The following TCF12 variants were observed in gnomAD, a reference collection of about 807,000 sequenced individuals.
TCF12 encodes transcription factor 12.
A neutral mutation model predicts 86.0 loss-of-function variants in TCF12; 45 were observed. That is an observed-to-expected ratio of 0.52 (90% CI 0.41 to 0.67). The LOEUF is 0.67. Among genes scored for constraint, TCF12 ranks in the 30% least tolerant of loss-of-function variants. TCF12 has a pLI of 0.00. For missense variants in TCF12, 881 were observed against 859.9 expected (o/e 1.02, Z -0.31); for synonymous variants, 330 against 299.6 (o/e 1.10, Z -1.05).
chr15:57,125,856 T>A (rs532258644), intron 5 of TCF12, among the ~76,000 whole-genome samples: 1 of 152,374 alleles, frequency 6.6e-6, no homozygotes, highest in South Asian at 2.1e-4. Context: ...TGTAGAAAGA[T>A]ATTAAATCAA....
chr15:57,042,357 A>C (rs1402662688), intron 3 of TCF12, among the ~76,000 whole-genome samples: 1 of 152,186 alleles, frequency 6.6e-6, no homozygotes, highest in Non-Finnish European at 1.5e-5. Flanking sequence ...TGGAAATAAA[A>C]AGATAATGGC....
intron 5 of TCF12, among the ~76,000 whole-genome samples, chr15:57,159,295 C>G (rs1022864864): frequency 1.3e-5 from 2 of 152,194 alleles, no homozygotes; most frequent in Admixed American, 1.3e-4. Context: ...GGTCTTTGCT[C>G]TCATACTCTA....
chr15:57,113,195 A>G (rs1332349955), intron 5 of TCF12, among the ~76,000 whole-genome samples: 1 of 152,026 alleles, frequency 6.6e-6, no homozygotes, highest in Non-Finnish European at 1.5e-5. Context: ...GCTAATATTC[A>G]CTTTCACAAG....
rs113462359 is a variant in TCF12, at chr15:57,210,105, G to A, written c.579+12280G>A. ...CATACAATCTGATATGGCCTAATTC[G>A]TTTATTCTTTATCTGTGTTACCCAG... On this transcript the variant is annotated intron_variant, in intron 8 of 20. Transcript: ENST00000333725. Among the ~76,000 whole-genome samples the A allele has an allele frequency of 8.6e-5, 13 of 151,842 alleles. 1 individual carries two copies. Among genetic ancestry groups the A allele is most frequent in the African/African-American group, 2.7e-4 (11 of 41,394 alleles).
chr15:56,966,846 G>C (rs1422105652), intron 3 of TCF12, among the ~76,000 whole-genome samples: 3 of 152,064 alleles, frequency 2.0e-5, no homozygotes, highest in African/African-American at 4.8e-5. Context: ...AAGTTGGCTG[G>C]GCACGGTGGC....
chr15:56,955,588 G>T (rs1001296500), intron 3 of TCF12, among the ~76,000 whole-genome samples: 2 of 152,110 alleles, frequency 1.3e-5, no homozygotes, highest in African/African-American at 4.8e-5. Context: ...AAGCATTTGT[G>T]GTTAGAGAAC....
At chr15:57,239,385 A>G (rs1221776290) in intron 12 of TCF12, among the ~76,000 whole-genome samples, 5 of 151,684 alleles carry the variant, frequency 3.3e-5, no homozygotes, top group Non-Finnish European at 7.4e-5. Context: ...TTAGCCGGGT[A>G]TGGTGGTACA....
intron 20 of TCF12, among the ~76,000 whole-genome samples, chr15:57,283,710 TC>T (rs2061801713): frequency 6.6e-6 from 1 of 152,236 alleles, no homozygotes; most frequent in African/African-American, 2.4e-5. Flanking sequence ...TTGGTCAGTT[TC>T]GTGGCTGTCT....
At chr15:57,257,844 T>C (rs2060420332) in intron 16 of TCF12, among the ~76,000 whole-genome samples, 1 of 152,116 alleles carries the variant, frequency 6.6e-6, no homozygotes, top group Admixed American at 6.5e-5. Flanking sequence ...TACTGATATA[T>C]CATTTAAATT....
chr15:57,001,518 T>TA (rs1453908292), intron 3 of TCF12: 3 of 161,828 alleles, frequency 1.9e-5, no homozygotes, highest in Non-Finnish European at 2.7e-5. Flanking sequence ...TTCATAGATT[T>TA]AAAAAATATT....
At chr15:56,932,503 A>G (rs2060289867) in intron 3 of TCF12, among the ~76,000 whole-genome samples, 1 of 152,120 alleles carries the variant, frequency 6.6e-6, no homozygotes, top group Non-Finnish European at 1.5e-5. Flanking sequence ...AGAAAAAAAG[A>G]AGTCTTAAAT....
intron 3 of TCF12, among the ~76,000 whole-genome samples, chr15:56,984,946 T>C (rs1459661965): frequency 6.6e-6 from 1 of 152,216 alleles, no homozygotes; most frequent in Admixed American, 6.5e-5. Flanking sequence ...TAATGTTGCT[T>C]AACCATCTAA....
chr15:57,012,674 C>T (rs2064902954), intron 3 of TCF12, among the ~76,000 whole-genome samples: 1 of 152,178 alleles, frequency 6.6e-6, no homozygotes, highest in African/African-American at 2.4e-5. Flanking sequence ...TCGACTAAGT[C>T]CTCAGCTGGA....
At chr15:56,939,640 G>T (rs1247799301) in intron 3 of TCF12, among the ~76,000 whole-genome samples, 1 of 152,158 alleles carries the variant, frequency 6.6e-6, no homozygotes, top group African/African-American at 2.4e-5. Context: ...TAAACACTTG[G>T]TAACTGGCTA....
chr15:56,996,936 C>T (rs2063747906), intron 3 of TCF12, among the ~76,000 whole-genome samples: 1 of 152,136 alleles, frequency 6.6e-6, no homozygotes, highest in Non-Finnish European at 1.5e-5. Context: ...CCATTTCATA[C>T]CAGTCAGAAT....
At chr15:57,202,522 G>A (rs372446075) in intron 8 of TCF12, among the ~76,000 whole-genome samples, 24 of 146,598 alleles carry the variant, frequency 1.6e-4, no homozygotes, top group East Asian at 8.1e-4. Flanking sequence ...TGCAAGCTCC[G>A]CCTCCCAGAT....
intron 3 of TCF12, among the ~76,000 whole-genome samples, chr15:56,950,979 C>T (rs2061246682): frequency 6.6e-6 from 1 of 151,844 alleles, no homozygotes; most frequent in Non-Finnish European, 1.5e-5. Flanking sequence ...TGGTCTTGAA[C>T]TCCCGACCTT....
intron 8 of TCF12, chr15:57,219,302 A>G (rs1001268563): frequency 1.2e-5 from 15 of 1,226,358 alleles, no homozygotes; most frequent in Non-Finnish European, 1.5e-5. Context: ...TCCTCCACCA[A>G]TGCAAGGACT....
intron 5 of TCF12, among the ~76,000 whole-genome samples, chr15:57,110,962 T>G (rs979368914): frequency 1.3e-5 from 2 of 152,160 alleles, no homozygotes; most frequent in Admixed American, 6.5e-5. Flanking sequence ...CTAAAATGGG[T>G]CAGTGGACAG....
Sources: allele counts gnomAD v4.1 joint callset (sites outside exome capture counted in the v4.1 genomes callset), GRCh38; gene constraint gnomAD v4.1.1; transcripts MANE v1.5; gene names NCBI Gene and HGNC (gene_info 2026-07-23, HGNC 2026-07-21).